The following PITPNM2 variants were observed in gnomAD, a reference collection of about 807,000 sequenced individuals.
PITPNM2 encodes phosphatidylinositol transfer protein membrane associated 2.
In PITPNM2, 35 loss-of-function variants were observed where a neutral mutation model predicts 132.2. The observed-to-expected ratio is 0.26, with a 90% confidence interval of 0.20 to 0.35. The LOEUF (loss-of-function observed/expected upper bound fraction) is 0.35, where lower values mean the gene tolerates loss of function less well. Ranked by LOEUF, PITPNM2 falls within the 10% of genes least tolerant of loss-of-function variation. The pLI is 1.00. For missense variants in PITPNM2, 1,332 were observed against 1,912.0 expected (o/e 0.70, Z 5.66); for synonymous variants, 738 against 799.2 (o/e 0.92, Z 1.29).
chr12:122,983,615 A>T lies in PITPNM2; in HGVS notation c.*2412T>A, dbSNP rs2037812133. The T allele has an allele frequency of 2.0e-5, 3 of 152,470 alleles. No homozygotes were observed. The highest frequency in any genetic ancestry group is 7.2e-5 in the African/African-American group (3 of 41,418). The allele number at this position is 152,470 out of a possible 1,614,324, so 9.4% of individuals were successfully genotyped here. A position where few individuals can be genotyped will look rare whatever the true frequency, so the allele number is the denominator to read the frequency against. On this transcript the variant is annotated 3_prime_UTR_variant, in exon 26 of 26. Coordinates refer to ENST00000320201, the MANE Select transcript of PITPNM2 (RefSeq NM_020845.3). ...GCTCACACATGGCCCAGAGAAACAG[A>T]CGGCACACGGACAGACCAGACGGGA...
intron 2 of PITPNM2, among the ~76,000 whole-genome samples, chr12:123,104,357 G>A (rs1164011889): frequency 6.6e-6 from 1 of 152,200 alleles, no homozygotes; most frequent in Non-Finnish European, 1.5e-5. Context: ...GCACCTATAC[G>A]CCCAGACGGC....
rs2037912352 is a variant in PITPNM2, at chr12:122,985,997, A to G, written c.*30T>C. ...GGGCTGGCCACCCTGGCCTAGCACC[A>G]TGGAGACCCCGCGCTGCACTCACGG... On this transcript the variant is annotated 3_prime_UTR_variant, in exon 26 of 26. Coordinates refer to ENST00000320201, the MANE Select transcript of PITPNM2 (RefSeq NM_020845.3). The G allele has an allele frequency of 1.5e-6, 2 of 1,373,480 alleles. No individual in the cohort carries two copies. The highest frequency in any genetic ancestry group is 9.3e-7 in the Non-Finnish European group (1 of 1,071,468). 85.1% of individuals were successfully genotyped at this position (1,373,480 alleles called of 1,614,324 possible). A position where few individuals can be genotyped will look rare whatever the true frequency, so the allele number is the denominator to read the frequency against.
intron 2 of PITPNM2, among the ~76,000 whole-genome samples, chr12:123,075,096 T>C (rs1004928800): frequency 2.0e-5 from 3 of 152,228 alleles, no homozygotes; most frequent in Non-Finnish European, 2.9e-5. Flanking sequence ...CTGCATGGCA[T>C]GTGCACATGT....
intron 2 of PITPNM2, among the ~76,000 whole-genome samples, chr12:123,043,615 A>G (rs1172345926): frequency 6.6e-6 from 1 of 152,228 alleles, no homozygotes; most frequent in Non-Finnish European, 1.5e-5. Context: ...CCCACAGCAC[A>G]GCGGCCACCT....
At chr12:123,112,805 A>T (rs957168002) in intron 1 of PITPNM2, among the ~76,000 whole-genome samples, 12 of 152,096 alleles carry the variant, frequency 7.9e-5, no homozygotes, top group Non-Finnish European at 1.0e-4. Flanking sequence ...CCCAAAGTGC[A>T]GGGATTACAG....
chr12:123,137,000 G>A (rs2043396523), intron 1 of PITPNM2, among the ~76,000 whole-genome samples: 1 of 152,186 alleles, frequency 6.6e-6, no homozygotes, highest in Non-Finnish European at 1.5e-5. Flanking sequence ...GCCTGATAAT[G>A]GATTTCCTAA....
chr12:123,102,091 G>T (rs994046790), intron 2 of PITPNM2, among the ~76,000 whole-genome samples: 7 of 152,208 alleles, frequency 4.6e-5, no homozygotes, highest in African/African-American at 1.7e-4. Flanking sequence ...AACCTCAGTT[G>T]TCACAGAACT....
At chr12:123,052,077 GTTT>G (rs10606016) in intron 2 of PITPNM2, among the ~76,000 whole-genome samples, 3,605 of 100,518 alleles carry the variant, frequency 0.036, 72 homozygotes, top group African/African-American at 0.12. Context: ...TAATTTTATT[GTTT>G]TTTTTTTTTT....
chr12:123,030,487 C>T (rs1021585110), intron 3 of PITPNM2, among the ~76,000 whole-genome samples: 2 of 151,950 alleles, frequency 1.3e-5, no homozygotes, highest in Non-Finnish European at 2.9e-5. Flanking sequence ...AGGTCAGGAG[C>T]TCGAGACCAT....
intron 1 of PITPNM2, among the ~76,000 whole-genome samples, chr12:123,135,402 A>C (rs1351783926): frequency 6.6e-6 from 1 of 151,972 alleles, no homozygotes; most frequent in African/African-American, 2.4e-5. Context: ...CCTTAACAAA[A>C]CTTAAGTGTA....
intron 13 of PITPNM2, among the ~76,000 whole-genome samples, 172 bp from the exon 14 acceptor site, chr12:122,995,832 C>T (rs777793563): frequency 1.6e-4 from 24 of 152,212 alleles, no homozygotes; most frequent in Non-Finnish European, 2.9e-4. Flanking sequence ...TCCCACCCAC[C>T]AGCCACCCTG....
chr12:123,066,569 C>T (rs1013354151), intron 2 of PITPNM2, among the ~76,000 whole-genome samples: 1 of 152,148 alleles, frequency 6.6e-6, no homozygotes, highest in Non-Finnish European at 1.5e-5. Flanking sequence ...GGGAGACAGA[C>T]AGACTCCTCT....
chr12:122,987,935 T>C (rs768827707), intron 20 of PITPNM2, 34 bp from the exon 21 acceptor site: 1 of 1,573,080 alleles, frequency 6.4e-7, no homozygotes, highest in Non-Finnish European at 8.7e-7. Flanking sequence ...GGTCAGGGGG[T>C]CGGAGGGCAC....
chr12:123,070,119 A>G (rs1419433991), intron 2 of PITPNM2, among the ~76,000 whole-genome samples: 1 of 152,200 alleles, frequency 6.6e-6, no homozygotes, highest in East Asian at 1.9e-4. Flanking sequence ...AGGTTCTACT[A>G]GCCTTGAGCC....
chr12:123,119,975 G>C (rs2043004572), intron 1 of PITPNM2, among the ~76,000 whole-genome samples: 1 of 152,116 alleles, frequency 6.6e-6, no homozygotes, highest in South Asian at 2.1e-4. Flanking sequence ...ATACTGCCCT[G>C]TGAGTATGGT....
intron 1 of PITPNM2, among the ~76,000 whole-genome samples, chr12:123,139,315 A>C (rs1240947424): frequency 2.6e-5 from 4 of 151,990 alleles, no homozygotes; most frequent in South Asian, 2.1e-4. Context: ...CCTGGCTAAC[A>C]CAGTGAAACC....
In PITPNM2 at chr12:123,117,099, A is replaced by G. The variant is rs1209220926; in HGVS notation, c.-199-6611T>C. ...CTCTAGCGGGTTTGCAGGAAGTTCTACTTCCATCATAAGACTCATGAAGAC... is the reference window on the plus strand; with the variant it reads ...CTCTAGCGGGTTTGCAGGAAGTTCTGCTTCCATCATAAGACTCATGAAGAC... On this transcript the variant is annotated intron_variant, in intron 1 of 25. Coordinates refer to ENST00000320201, the MANE Select transcript of PITPNM2 (RefSeq NM_020845.3). This position sits in a 1 kb window ranked among gnomAD's most constrained non-coding sequence, Gnocchi z 4.7. Among the ~76,000 whole-genome samples the G allele has an allele frequency of 6.6e-6, 1 of 152,248 alleles. No homozygotes were observed. The highest frequency in any genetic ancestry group is 2.4e-5 in the African/African-American group (1 of 41,462).
chr12:123,098,262 C>G (rs2042462101), intron 2 of PITPNM2, among the ~76,000 whole-genome samples: 1 of 152,062 alleles, frequency 6.6e-6, no homozygotes, highest in Non-Finnish European at 1.5e-5. Context: ...CCTAAAGAGG[C>G]CTGGAATGGG....
At chr12:123,042,448 G>A (rs1034960885) in intron 2 of PITPNM2, among the ~76,000 whole-genome samples, 1 of 152,198 alleles carries the variant, frequency 6.6e-6, no homozygotes, top group Non-Finnish European at 1.5e-5. Context: ...GCAGGGGTCT[G>A]ACGTCACAGA....
Sources: gnomAD v4.1 joint callset for allele counts (sites outside exome capture counted in the v4.1 genomes callset) on GRCh38, gnomAD v4.1.1 for gene constraint, Gnocchi (gnomAD v3.1) non-coding constraint, MANE v1.5 for transcripts, NCBI Gene and HGNC (gene_info 2026-07-23, HGNC 2026-07-21) for gene names.